Variants in SEMA5A observed in about 807,000 individuals in gnomAD.
SEMA5A encodes semaphorin-5A.
In SEMA5A, 55 loss-of-function variants were observed where a neutral mutation model predicts 135.5. The ratio of observed to expected loss-of-function variants is 0.41; its 90% CI spans 0.33 to 0.51. The LOEUF (loss-of-function observed/expected upper bound fraction) is 0.51, where lower values mean the gene tolerates loss of function less well. Ranked by LOEUF, SEMA5A falls within the 20% of genes least tolerant of loss-of-function variation. The pLI is 0.37. For missense variants in SEMA5A, 1,290 were observed against 1,419.9 expected (o/e 0.91, Z 1.47); for synonymous variants, 580 against 546.5 (o/e 1.06, Z -0.85).
At chr5:9,215,230 T>C (rs1399238636) in intron 8 of SEMA5A, among the ~76,000 whole-genome samples, 1 of 152,114 alleles carries the variant, frequency 6.6e-6, no homozygotes. Context: ...AGTAAACAGA[T>C]TTACCAGCAG....
intron 11 of SEMA5A, among the ~76,000 whole-genome samples, chr5:9,171,963 T>G (rs751288254): frequency 5.3e-5 from 8 of 152,032 alleles, no homozygotes; most frequent in Non-Finnish European, 1.2e-4. Context: ...TGAGAAGATG[T>G]CAAAGGCCAG....
chr5:9,282,334 A>C (rs989242770), intron 5 of SEMA5A, among the ~76,000 whole-genome samples: 14 of 152,250 alleles, frequency 9.2e-5, no homozygotes, highest in Admixed American at 9.2e-4. Context: ...ACATGAGGCC[A>C]AAACTGATTC....
chr5:9,299,144 G>A (rs1443383712), intron 5 of SEMA5A, among the ~76,000 whole-genome samples: 1 of 152,112 alleles, frequency 6.6e-6, no homozygotes, highest in Non-Finnish European at 1.5e-5. Flanking sequence ...TTTACCTAAT[G>A]TGCGCGCAAA....
At chr5:9,079,612 C>T (rs1173154436) in intron 16 of SEMA5A, among the ~76,000 whole-genome samples, 1 of 152,060 alleles carries the variant, frequency 6.6e-6, no homozygotes, top group Non-Finnish European at 1.5e-5. Context: ...AGGCAATCTA[C>T]AGATGGGATA....
chr5:9,268,601 G>T (rs1410724292), intron 5 of SEMA5A, among the ~76,000 whole-genome samples: 2 of 152,040 alleles, frequency 1.3e-5, no homozygotes, highest in African/African-American at 4.8e-5. Context: ...AAATACTACT[G>T]CCCCCAGGCC....
intron 5 of SEMA5A, among the ~76,000 whole-genome samples, chr5:9,276,331 C>T (rs1185861323): frequency 6.6e-6 from 1 of 152,188 alleles, no homozygotes; most frequent in Non-Finnish European, 1.5e-5. Context: ...AATGGAAAAA[C>T]ATTCCATGCT....
intron 12 of SEMA5A, among the ~76,000 whole-genome samples, chr5:9,154,059 A>AT (rs1742790745): frequency 2.0e-5 from 1 of 49,026 alleles, no homozygotes; most frequent in African/African-American, 5.1e-5. Context: ...AAAAAAAAAA[A>AT]AAAATATATA....
intron 1 of SEMA5A, among the ~76,000 whole-genome samples, chr5:9,529,349 T>C (rs1366912745): frequency 2.0e-5 from 3 of 152,208 alleles, no homozygotes; most frequent in African/African-American, 7.2e-5. Flanking sequence ...GAGGTCAGGA[T>C]CCTACTTGGC....
rs376049719 is a variant in SEMA5A, at chr5:9,060,114, C to T, written c.2518+2773G>A. Among the ~76,000 whole-genome samples the T allele has an allele frequency of 7.2e-5, 11 of 152,254 alleles. No homozygotes were observed. The South Asian group carries it at 1.0e-3, about 14-fold the overall frequency. On this transcript the variant is annotated intron_variant, in intron 18 of 22. Transcript: ENST00000382496. ...GGAATTTCCCAGGCAGGGGAAGCAC[C>T]ACTCAGCCCTGACTCACCCACTGCC...
chr5:9,390,663 T>C (rs1019547440), intron 2 of SEMA5A, among the ~76,000 whole-genome samples: 17 of 152,050 alleles, frequency 1.1e-4, no homozygotes, highest in African/African-American at 3.6e-4. Flanking sequence ...TAATTAGAGT[T>C]TGTCACAATC....
At chr5:9,222,247 G>A (rs1747047291) in intron 8 of SEMA5A, among the ~76,000 whole-genome samples, 1 of 152,174 alleles carries the variant, frequency 6.6e-6, no homozygotes, top group Admixed American at 6.5e-5. Context: ...AACCTAGTGT[G>A]GTTAGAGACC....
chr5:9,523,224 A>G (rs1277369406), intron 1 of SEMA5A: 2 of 152,192 alleles, frequency 1.3e-5, no homozygotes, highest in East Asian at 3.9e-4. Flanking sequence ...AGCAGAACAC[A>G]GCACCCGGGC....
At chr5:9,158,630 A>G (rs2526121) in intron 11 of SEMA5A, among the ~76,000 whole-genome samples, 83,715 of 151,858 alleles carry the variant, frequency 0.55, 25,801 homozygotes, top group Middle Eastern at 0.77. Context: ...ACACTGCTTC[A>G]GTGCAAACTC....
intron 5 of SEMA5A, among the ~76,000 whole-genome samples, chr5:9,281,972 C>T (rs1750566409): frequency 6.6e-6 from 1 of 151,992 alleles, no homozygotes; most frequent in South Asian, 2.1e-4. Flanking sequence ...GCCACCACGC[C>T]CAGCTAATTT....
chr5:9,329,102 G>T (rs1753001665), intron 4 of SEMA5A, among the ~76,000 whole-genome samples: 1 of 152,130 alleles, frequency 6.6e-6, no homozygotes, highest in Non-Finnish European at 1.5e-5. Flanking sequence ...CATCTCTCAG[G>T]CCCCGTTGGA....
intron 16 of SEMA5A, among the ~76,000 whole-genome samples, chr5:9,089,714 G>C (rs1738927895): frequency 6.6e-6 from 1 of 152,052 alleles, no homozygotes; most frequent in African/African-American, 2.4e-5. Context: ...GCTTTTTCTT[G>C]ACTTTAACAG....
At chr5:9,139,875 G>A (rs368171867) in intron 12 of SEMA5A, among the ~76,000 whole-genome samples, 41 of 152,176 alleles carry the variant, frequency 2.7e-4, no homozygotes, top group South Asian at 4.1e-4. Flanking sequence ...TCACTCCCCC[G>A]ATTCCTTCTG....
chr5:9,056,884 T>C (rs1736922432), intron 18 of SEMA5A, among the ~76,000 whole-genome samples: 1 of 152,176 alleles, frequency 6.6e-6, no homozygotes, highest in Middle Eastern at 3.2e-3. Flanking sequence ...TAAATGTCCA[T>C]CAAGAGATGA....
At chr5:9,244,421 T>C (rs1561064933) in intron 5 of SEMA5A, among the ~76,000 whole-genome samples, 1 of 152,216 alleles carries the variant, frequency 6.6e-6, no homozygotes, top group Non-Finnish European at 1.5e-5. Context: ...CCTGTGGACT[T>C]ACTGGCCCCA....
Sources: allele counts gnomAD v4.1 joint callset (sites outside exome capture counted in the v4.1 genomes callset), GRCh38; gene constraint gnomAD v4.1.1; transcripts MANE v1.5; gene names NCBI Gene and HGNC (gene_info 2026-07-23, HGNC 2026-07-21).